Variants in SLC5A5 observed in about 807,000 individuals in gnomAD.
The protein encoded by SLC5A5 is solute carrier family 5 member 5.
Under a neutral mutation model 68.6 loss-of-function variants are expected in SLC5A5, and 56 were observed. The ratio of observed to expected loss-of-function variants is 0.82; its 90% CI spans 0.66 to 1.02. The LOEUF is 1.02. SLC5A5 is among the 50% of genes least tolerant of loss of function. The probability of loss-of-function intolerance (pLI) is 0.00; values close to 1 mark genes in which losing one functional copy is unlikely to be tolerated. For synonymous variants in SLC5A5, 398 were observed against 373.0 expected (o/e 1.07, Z -0.77); for missense variants, 807 against 859.8 (o/e 0.94, Z 0.77).
At chr19:17,890,461 G>A (rs574650790) in intron 13 of SLC5A5, among the ~76,000 whole-genome samples, 58 of 152,138 alleles carry the variant, frequency 3.8e-4, no homozygotes, top group African/African-American at 1.3e-3. Flanking sequence ...GCACAATGAC[G>A]GCTCACTGCA....
Position 17,874,731 on chromosome 19 carries a change from G to T in SLC5A5, c.543G>T (p.Val181=). ...TTATCTGCACCTTCTACACGGCTGT[G>T]GTGAGTGGCCCTGGGAACTCACTCC... ...TGIICTFYTA[V]GGMKAVVWTD... The change falls in exon 4 of 15, where the codon GTG becomes GTT. Residue 181 remains valine, a splice_region_variant and synonymous_variant. Transcript: ENST00000222248. 1 of 1,614,064 alleles carries T rather than the reference G, an allele frequency of 6.2e-7. No homozygotes were observed. The highest frequency in any genetic ancestry group is 8.5e-7 in the Non-Finnish European group (1 of 1,179,946).
Position 17,874,732 on chromosome 19 carries a change from G to C in SLC5A5, c.543+1G>C, listed in dbSNP as rs1378279553. The C allele has an allele frequency of 1.2e-6, 2 of 1,613,980 alleles. No homozygotes were observed. Among genetic ancestry groups the C allele is most frequent in the African/African-American group, 2.7e-5 (2 of 74,932 alleles). ...TATCTGCACCTTCTACACGGCTGTG[G>C]TGAGTGGCCCTGGGAACTCACTCCA... On this transcript the variant is annotated splice_donor_variant, in intron 4 of 14. Coordinates refer to ENST00000222248, the MANE Select transcript of SLC5A5 (RefSeq NM_000453.3). LOFTEE classifies it high-confidence loss of function.
chr19:17,877,303 T>A (rs898553879), intron 5 of SLC5A5, among the ~76,000 whole-genome samples: 6 of 151,792 alleles, frequency 4.0e-5, no homozygotes, highest in Non-Finnish European at 5.9e-5. Flanking sequence ...TATTTATTTT[T>A]AATTTAATTA....
rs756320685 is a variant in SLC5A5, at chr19:17,883,767, G to C, written c.1329G>C (p.Pro443=). The stretch of plus-strand genomic sequence containing the variant: ...TGTTCCTGCCGGCCTGCAACACACC[G>C]GTGAGTGGGGGCGGGGCAAGGGGCG... ...LGMFLPACNT[P]GVLAGLGAGL... The change falls in exon 11 of 15, where the codon CCG becomes CCC. Residue 443 remains proline (P), a splice_region_variant and synonymous_variant. Transcript: ENST00000222248. 5 of 1,612,440 alleles carry C rather than the reference G, an allele frequency of 3.1e-6. No homozygotes were observed. Among genetic ancestry groups the C allele is most frequent in the Non-Finnish European group, 4.2e-6 (5 of 1,179,452 alleles).
chr19:17,883,524 G>C (rs112211542), intron 10 of SLC5A5, among the ~76,000 whole-genome samples, 157 bp from the exon 11 acceptor site: 26 of 137,144 alleles, frequency 1.9e-4, no homozygotes, highest in Middle Eastern at 4.0e-3. Context: ...CAGGAACAAG[G>C]GGGGGGGGTC....
chr19:17,893,002 CT>C (rs72280707), intron 14 of SLC5A5, among the ~76,000 whole-genome samples: 29,847 of 147,588 alleles, frequency 0.2, 3,293 homozygotes, highest in Middle Eastern at 0.25. Context: ...CTCTTCTTTT[CT>C]TTTTTTTCTT....
chr19:17,872,528 C>G lies in SLC5A5; in HGVS notation c.209C>G (p.Ala70Gly). 6.2e-7 allele frequency: 1 copy of G among 1,612,720 alleles called. No homozygotes were observed. The highest frequency in any genetic ancestry group is 1.1e-5 in the South Asian group (1 of 91,082). Residue 70 changes from alanine (A) to glycine (G), a missense_variant, in exon 1 of 15, where the codon GCC becomes GGC. Ala to Gly is a moderately conservative substitution (Grantham distance 60). Coordinates refer to ENST00000222248, the MANE Select transcript of SLC5A5 (RefSeq NM_000453.3). ...GLSLSASFMSAVQVLGVPSEA... is the reference protein window; with the variant it reads ...GLSLSASFMSGVQVLGVPSEA... ...TCGCTGTCTGCCAGCTTCATGTCGG[C>G]CGTGCAGGTGCTGGGCGTGCCGTCG...
rs1327051431 is a variant in SLC5A5, at chr19:17,894,720, T to G, written c.*843T>G. ...CCTTGGCCCACACACCTGCCATGGC[T>G]CCCATCATCCTGAGCATGCTAGCGT... On this transcript the variant is annotated 3_prime_UTR_variant, in exon 15 of 15. Coordinates refer to ENST00000222248, the MANE Select transcript of SLC5A5 (RefSeq NM_000453.3). 2 of 152,248 alleles carry G rather than the reference T, an allele frequency of 1.3e-5. No individual in the cohort carries two copies. The highest frequency in any genetic ancestry group is 6.6e-5 in the Admixed American group (1 of 15,242). The allele number at this position is 152,248 out of a possible 1,614,324, so 9.4% of individuals were successfully genotyped here. A position where few individuals can be genotyped will look rare whatever the true frequency, so the allele number is the denominator to read the frequency against.
intron 12 of SLC5A5, among the ~76,000 whole-genome samples, chr19:17,885,993 T>C (rs969315267): frequency 6.6e-6 from 1 of 152,130 alleles, no homozygotes; most frequent in Non-Finnish European, 1.5e-5. Context: ...CCTGAGTAGC[T>C]GGGGTCACAG....
chr19:17,895,161 G>T lies in SLC5A5; in HGVS notation c.*1284G>T, dbSNP rs1270305224. The T allele has an allele frequency of 1.5e-5, 2 of 136,610 alleles. No homozygotes were observed. Among genetic ancestry groups the T allele is most frequent in the East Asian group, 5.0e-4 (2 of 3,984 alleles). 8.5% of individuals were successfully genotyped at this position (136,610 alleles called of 1,614,324 possible). A position where few individuals can be genotyped will look rare whatever the true frequency, so the allele number is the denominator to read the frequency against. ...TAGAACTGTCAGAGAATAAATTTCT[G>T]TTGTTTGATGCCACCAGGCCTATAG... On this transcript the variant is annotated 3_prime_UTR_variant, in exon 15 of 15. Coordinates refer to ENST00000222248, the MANE Select transcript of SLC5A5 (RefSeq NM_000453.3).
At chr19:17,881,092 C>T (rs1363265076) in intron 8 of SLC5A5, 139 bp downstream of exon 8, 1 of 734,608 alleles carries the variant, frequency 1.4e-6, no homozygotes, top group Middle Eastern at 2.3e-4. Flanking sequence ...TAGAAGACAG[C>T]TCAGGTAGGC....
intron 13 of SLC5A5, among the ~76,000 whole-genome samples, chr19:17,889,788 C>T (rs2030094137): frequency 6.6e-6 from 1 of 152,208 alleles, no homozygotes; most frequent in Non-Finnish European, 1.5e-5. Context: ...TGGGTTGGGG[C>T]GGGCGGCGCT....
intron 12 of SLC5A5, among the ~76,000 whole-genome samples, chr19:17,884,646 G>A (rs1568424257): frequency 2.0e-5 from 3 of 151,556 alleles, no homozygotes; most frequent in Non-Finnish European, 4.4e-5. Context: ...GGTGGCAGGT[G>A]CCTGTAATCC....
rs762106892 is a variant in SLC5A5 at position 17,882,044 on chromosome 19, G to C, written c.1143G>C (p.Arg381Ser). ...IKPRLRSLAP[R>S]KLVIISKGLS... Reference sequence around the variant, plus strand: ...CTCGGCTGCGGAGCCTGGCACCCAGGAAACTCGTGATTATCTCCAAGGGGC... The same window carrying C: ...CTCGGCTGCGGAGCCTGGCACCCAGCAAACTCGTGATTATCTCCAAGGGGC... The change falls in exon 9 of 15, where the codon AGG becomes AGC. Residue 381 changes from arginine to serine, a missense_variant. Physicochemically the swap from Arg to Ser is moderately radical, Grantham distance 110. Transcript: ENST00000222248. 2.5e-6 allele frequency: 4 copies of C among 1,614,154 alleles called. No individual in the cohort carries two copies. In the South Asian group the frequency reaches 3.3e-5, roughly 13 times the overall value.
Position 17,878,054 on chromosome 19 carries a change from C to T in SLC5A5, c.930C>T (p.Cys310=), listed in dbSNP as rs200587561. The T allele has an allele frequency of 6.8e-6, 11 of 1,612,730 alleles. No individual in the cohort carries two copies. The highest frequency in any genetic ancestry group is 4.0e-5 in the African/African-American group (3 of 75,052). Residue 310 remains cysteine, a synonymous_variant, in exon 7 of 15, where the codon TGC becomes TGT. Coordinates refer to ENST00000222248, the MANE Select transcript of SLC5A5 (RefSeq NM_000453.3). The stretch of plus-strand genomic sequence containing the variant: ...TCATGTTTGTGTTCTACACTGACTG[C>T]GACCCTCTCCTCCTGGGGCGCATCT... ...GIVMFVFYTD[C]DPLLLGRISA...
In SLC5A5 at chr19:17,883,754, C is replaced by A; in HGVS notation, c.1316C>A (p.Ala439Asp). ...GAFILGMFLPACNTPGVLAGL... is the reference protein window; with the variant it reads ...GAFILGMFLPDCNTPGVLAGL... ...TTCATCTTGGGAATGTTCCTGCCGG[C>A]CTGCAACACACCGGTGAGTGGGGGC... is the stretch of plus-strand genomic sequence containing the variant. Residue 439 changes from alanine to aspartate, a missense_variant, in exon 11 of 15, where the codon GCC becomes GAC. Transcript: ENST00000222248. 6.2e-7 allele frequency: 1 copy of A among 1,612,924 alleles called. No homozygotes were observed. The highest frequency in any genetic ancestry group is 8.5e-7 in the Non-Finnish European group (1 of 1,179,554).
chr19:17,894,182 CT>C lies in SLC5A5; in HGVS notation c.*306del, dbSNP rs2147759914. 9.2e-6 allele frequency: 3 copies of C among 327,134 alleles called. No homozygotes were observed. The East Asian group carries it at 2.3e-4, about 25-fold the overall frequency. 20.3% of individuals were successfully genotyped at this position (327,134 alleles called of 1,614,324 possible). A position where few individuals can be genotyped will look rare whatever the true frequency, so the allele number is the denominator to read the frequency against. Reference sequence around the variant, plus strand: ...TTTTTTTTTGAGACAGGGTCATGCTCTGTCACCCAGGCTGGAGTGCAGTGGT... The same window carrying C: ...TTTTTTTTTGAGACAGGGTCATGCTCGTCACCCAGGCTGGAGTGCAGTGGT... On this transcript the variant is annotated 3_prime_UTR_variant, in exon 15 of 15. Transcript: ENST00000222248.
chr19:17,894,110 T>G lies in SLC5A5; in HGVS notation c.*233T>G. 6.5e-6 allele frequency: 3 copies of G among 464,850 alleles called. No homozygotes were observed. Among genetic ancestry groups the G allele is most frequent in the Non-Finnish European group, 7.6e-6 (2 of 261,450 alleles). The allele number at this position is 464,850 out of a possible 1,614,324, so 28.8% of individuals were successfully genotyped here. A position where few individuals can be genotyped will look rare whatever the true frequency, so the allele number is the denominator to read the frequency against. On this transcript the variant is annotated 3_prime_UTR_variant, in exon 15 of 15. Transcript: ENST00000222248. ...TATTAGACGCTGCAGCCCTGACGGC[T>G]CCCCCCAAATAAGGCTGGGTTTTTC...
chr19:17,888,587 C>CATTATTATTATT (rs1568425723), intron 13 of SLC5A5, 132 bp downstream of exon 13: 25 of 572,716 alleles, frequency 4.4e-5, no homozygotes, highest in African/African-American at 3.0e-4. Context: ...CACATTTGTA[C>CATTATTATTATT]CTTATTATTA....
Sources: allele counts gnomAD v4.1 joint callset (sites outside exome capture counted in the v4.1 genomes callset), GRCh38; gene constraint gnomAD v4.1.1; transcripts MANE v1.5; gene names NCBI Gene and HGNC (gene_info 2026-07-23, HGNC 2026-07-21).